KCNN2: variants seen among roughly 807,000 people sequenced by gnomAD.
KCNN2 encodes the protein potassium calcium-activated channel subfamily N member 2, also known as small conductance calcium-activated potassium channel protein 2.
Under a neutral mutation model 55.5 loss-of-function variants are expected in KCNN2, and 24 were observed. The observed-to-expected ratio is 0.43, with a 90% confidence interval of 0.31 to 0.61. The LOEUF is 0.61. Among genes scored for constraint, KCNN2 ranks in the 20% least tolerant of loss-of-function variants. KCNN2 has a pLI of 0.08. For missense variants in KCNN2, 754 were observed against 853.6 expected (o/e 0.88, Z 1.45); for synonymous variants, 431 against 336.1 (o/e 1.28, Z -3.09).
chr5:114,072,981 G>A (rs1750607555), intron 1 of KCNN2, among the ~76,000 whole-genome samples: 1 of 152,120 alleles, frequency 6.6e-6, no homozygotes, highest in South Asian at 2.1e-4. Context: ...GTAATACATA[G>A]TGACTGTGGA....
At chr5:114,464,740 A>T (rs949231154) in intron 4 of KCNN2, among the ~76,000 whole-genome samples, 1 of 152,122 alleles carries the variant, frequency 6.6e-6, no homozygotes, top group African/African-American at 2.4e-5. Context: ...TAGAAAATAT[A>T]GTTTGGGGGC....
At chr5:114,111,470 A>T (rs1751595556) in intron 1 of KCNN2, among the ~76,000 whole-genome samples, 1 of 152,220 alleles carries the variant, frequency 6.6e-6, no homozygotes. Flanking sequence ...CAAAAGCCCA[A>T]ATTGACAAAT....
chr5:114,259,304 T>A (rs1332556717), intron 2 of KCNN2, among the ~76,000 whole-genome samples: 1 of 151,990 alleles, frequency 6.6e-6, no homozygotes, highest in Non-Finnish European at 1.5e-5. Context: ...GTCCCCTGGG[T>A]CCAGCCAGCC....
chr5:114,275,174 G>C (rs568778985), intron 2 of KCNN2, among the ~76,000 whole-genome samples: 5 of 152,274 alleles, frequency 3.3e-5, no homozygotes, highest in African/African-American at 1.2e-4. Context: ...TTGCATCCCA[G>C]GGATGAAGCT....
At chr5:114,349,159 G>A (rs1421540863) in intron 2 of KCNN2, among the ~76,000 whole-genome samples, 3 of 152,064 alleles carry the variant, frequency 2.0e-5, no homozygotes, top group African/African-American at 7.2e-5. Flanking sequence ...ATGGAATCAT[G>A]TAACGTGTTC....
intron 1 of KCNN2, among the ~76,000 whole-genome samples, chr5:114,180,764 A>G (rs1753222763): frequency 6.6e-6 from 1 of 152,092 alleles, no homozygotes; most frequent in African/African-American, 2.4e-5. Flanking sequence ...TCACTGCAAA[A>G]AGTTCCCTCA....
intron 2 of KCNN2, among the ~76,000 whole-genome samples, chr5:114,223,565 T>C (rs567752752): frequency 2.6e-5 from 4 of 152,164 alleles, no homozygotes; most frequent in Non-Finnish European, 5.9e-5. Flanking sequence ...GGGAAGTGTA[T>C]TTTTCAGAGT....
Position 114,411,972 on chromosome 5 carries a change from T to C in KCNN2, c.1637+7116T>C, listed in dbSNP as rs528969322. ...AAAACTATATACAACATAAGTTTTA[T>C]ATAAAATAGCTGCTTTTAGCACAAG... On this transcript the variant is annotated intron_variant, in intron 3 of 7. Coordinates refer to ENST00000673685, the MANE Select transcript of KCNN2 (RefSeq NM_021614.4). Among the ~76,000 whole-genome samples the C allele has an allele frequency of 2.6e-5, 4 of 152,362 alleles. No homozygotes were observed. The East Asian group carries it at 7.7e-4, about 29-fold the overall frequency.
intron 3 of KCNN2, among the ~76,000 whole-genome samples, chr5:114,443,043 A>C (rs1405045227): frequency 4.6e-5 from 7 of 152,284 alleles, no homozygotes; most frequent in Non-Finnish European, 8.8e-5. Context: ...CTGTAATCCC[A>C]GCACTGTGGG....
chr5:114,471,869 G>A (rs775589073), intron 4 of KCNN2, among the ~76,000 whole-genome samples: 8 of 152,072 alleles, frequency 5.3e-5, no homozygotes, highest in Non-Finnish European at 1.0e-4. Flanking sequence ...CTCCTCAATC[G>A]TGTCCCTCCT....
intron 3 of KCNN2, among the ~76,000 whole-genome samples, chr5:114,450,434 A>AC: frequency 6.6e-6 from 1 of 152,270 alleles, no homozygotes; most frequent in East Asian, 1.9e-4. Context: ...TTAAATATCC[A>AC]CTGGTCTGGA....
intron 1 of KCNN2, among the ~76,000 whole-genome samples, chr5:114,145,343 C>G (rs957979301): frequency 6.6e-6 from 1 of 152,160 alleles, no homozygotes; most frequent in Admixed American, 6.5e-5. Context: ...CACAATCCTT[C>G]CATATTAATT....
chr5:114,203,935 C>T (rs900234339), intron 1 of KCNN2, among the ~76,000 whole-genome samples: 1 of 152,162 alleles, frequency 6.6e-6, no homozygotes, highest in Non-Finnish European at 1.5e-5. Flanking sequence ...CAGTTACAAA[C>T]ATTATCTCCT....
chr5:114,462,414 C>G (rs1478890198), intron 3 of KCNN2, among the ~76,000 whole-genome samples: 4 of 152,142 alleles, frequency 2.6e-5, no homozygotes, highest in Non-Finnish European at 2.9e-5. Context: ...GGCAGGGACT[C>G]TGTGATCAGA....
At chr5:114,446,604 T>G (rs777436604) in intron 3 of KCNN2, among the ~76,000 whole-genome samples, 2 of 150,588 alleles carry the variant, frequency 1.3e-5, no homozygotes, top group Non-Finnish European at 3.0e-5. Context: ...ATTACAGGCA[T>G]GCACCTCTGT....
chr5:114,273,231 A>G (rs1302139015), intron 2 of KCNN2, among the ~76,000 whole-genome samples: 1 of 152,150 alleles, frequency 6.6e-6, no homozygotes, highest in Non-Finnish European at 1.5e-5. Context: ...GCTGCATAGT[A>G]TTCCATGGTA....
intron 1 of KCNN2, among the ~76,000 whole-genome samples, chr5:114,142,537 C>A (rs1414077321): frequency 6.6e-6 from 1 of 152,128 alleles, no homozygotes; most frequent in Non-Finnish European, 1.5e-5. Context: ...GATACAAAAT[C>A]AATGGGCAAA....
At chr5:114,214,488 G>T (rs1480452202) in intron 1 of KCNN2, among the ~76,000 whole-genome samples, 1 of 152,068 alleles carries the variant, frequency 6.6e-6, no homozygotes, top group Non-Finnish European at 1.5e-5. Flanking sequence ...CTCAACTAAA[G>T]CATGGGCATT....
At chr5:114,456,085 G>C (rs1760915803) in intron 3 of KCNN2, among the ~76,000 whole-genome samples, 1 of 152,230 alleles carries the variant, frequency 6.6e-6, no homozygotes, top group Non-Finnish European at 1.5e-5. Flanking sequence ...CAATGTAGAT[G>C]AAACAGGCTT....
Sources: allele counts gnomAD v4.1 joint callset (sites outside exome capture counted in the v4.1 genomes callset), GRCh38; gene constraint gnomAD v4.1.1; transcripts MANE v1.5; gene names NCBI Gene and HGNC (gene_info 2026-07-23, HGNC 2026-07-21).